TBC1D5: variants seen among roughly 807,000 people sequenced by gnomAD.
The protein encoded by TBC1D5 is TBC1 domain family, member 5.
Under a neutral mutation model 100.3 loss-of-function variants are expected in TBC1D5, and 75 were observed. The ratio of observed to expected loss-of-function variants is 0.75; its 90% CI spans 0.62 to 0.91. TBC1D5 has a LOEUF of 0.91. Among genes scored for constraint, TBC1D5 ranks in the 40% least tolerant of loss-of-function variants. The pLI, the probability that TBC1D5 is intolerant of heterozygous loss-of-function variation, is 0.00. For missense variants in TBC1D5, 910 were observed against 942.4 expected (o/e 0.97, Z 0.45); for synonymous variants, 323 against 325.6 (o/e 0.99, Z 0.09).
intron 17 of TBC1D5, among the ~76,000 whole-genome samples, chr3:17,230,859 A>T (rs1185350031): frequency 6.6e-6 from 1 of 152,180 alleles, no homozygotes; most frequent in Admixed American, 6.5e-5. Context: ...TCTCTTATAT[A>T]AAATGGTAGT....
intron 2 of TBC1D5, among the ~76,000 whole-genome samples, chr3:17,579,166 GT>G (rs151069684): frequency 6.6e-6 from 1 of 151,744 alleles, no homozygotes; most frequent in Non-Finnish European, 1.5e-5. Flanking sequence ...AAATTAAAAA[GT>G]TTTTTTTAAT....
intron 3 of TBC1D5, among the ~76,000 whole-genome samples, chr3:17,434,986 G>T (rs904018070): frequency 6.6e-5 from 10 of 152,194 alleles, no homozygotes; most frequent in African/African-American, 2.4e-4. Context: ...CCACCAGTCT[G>T]TTTGCATAGC....
At chr3:17,664,400 A>G (rs1039016477) in intron 1 of TBC1D5, among the ~76,000 whole-genome samples, 1 of 152,180 alleles carries the variant, frequency 6.6e-6, no homozygotes, top group Non-Finnish European at 1.5e-5. Context: ...ACCTAATATA[A>G]TGTATTAAAA....
chr3:17,242,117 T>C (rs1273652221), intron 16 of TBC1D5, among the ~76,000 whole-genome samples: 1 of 152,214 alleles, frequency 6.6e-6, no homozygotes, highest in Non-Finnish European at 1.5e-5. Context: ...GCAGCCTGGC[T>C]TTCTGACCCG....
chr3:17,520,213 T>C (rs1242724529), intron 2 of TBC1D5, among the ~76,000 whole-genome samples: 2 of 152,218 alleles, frequency 1.3e-5, no homozygotes, highest in Non-Finnish European at 2.9e-5. Context: ...CGAAAGCCTA[T>C]TAGCCTGCAT....
At chr3:17,687,896 A>G (rs930111736) in intron 1 of TBC1D5, among the ~76,000 whole-genome samples, 1 of 152,232 alleles carries the variant, frequency 6.6e-6, no homozygotes, top group Admixed American at 6.5e-5. Context: ...TTTGTAACTA[A>G]GGAAGACAGA....
At chr3:17,410,371 A>G (rs1369194773) in intron 4 of TBC1D5, among the ~76,000 whole-genome samples, 2 of 152,182 alleles carry the variant, frequency 1.3e-5, no homozygotes, top group Non-Finnish European at 2.9e-5. Flanking sequence ...GGATATGTAC[A>G]AAGAGATTAA....
Position 17,390,838 on chromosome 3 carries a change from A to C in TBC1D5, c.510-6823T>G, listed in dbSNP as rs2093330156. ...TAAAAACAGACATACTGAAAGACACAATTCTTTTTCTTCCTGTGTTCCCTA... is the reference window on the plus strand; with the variant it reads ...TAAAAACAGACATACTGAAAGACACCATTCTTTTTCTTCCTGTGTTCCCTA... On this transcript the variant is annotated intron_variant, in intron 8 of 21. Transcript: ENST00000253692. 3.9e-5 allele frequency among the ~76,000 whole-genome samples: 6 copies of C among 152,110 alleles called. No individual in the cohort carries two copies. In the South Asian group the frequency reaches 1.2e-3, roughly 32 times the overall value.
chr3:17,397,405 T>C (rs1261418726), intron 8 of TBC1D5, among the ~76,000 whole-genome samples: 1 of 152,120 alleles, frequency 6.6e-6, no homozygotes, highest in Non-Finnish European at 1.5e-5. Flanking sequence ...AGGATCTCAC[T>C]CTTTTACCCA....
intron 1 of TBC1D5, among the ~76,000 whole-genome samples, chr3:17,693,178 G>A (rs1026119308): frequency 3.3e-5 from 5 of 152,172 alleles, no homozygotes; most frequent in African/African-American, 4.8e-5. Flanking sequence ...CGCAGAAGAC[G>A]GGTGATATCT....
intron 1 of TBC1D5, among the ~76,000 whole-genome samples, chr3:17,671,520 G>A (rs1271079157): frequency 1.3e-5 from 2 of 152,260 alleles, no homozygotes; most frequent in East Asian, 1.9e-4. Flanking sequence ...AAAAAAGGTG[G>A]AAAAGTTAAG....
chr3:17,698,571 C>T (rs1479913553), intron 1 of TBC1D5, among the ~76,000 whole-genome samples: 1 of 149,600 alleles, frequency 6.7e-6, no homozygotes, highest in Admixed American at 6.7e-5. Context: ...AGAGCTTCTG[C>T]ACAGCAAAAG....
chr3:17,199,069 A>C (rs1313759529), intron 18 of TBC1D5, among the ~76,000 whole-genome samples: 2 of 152,352 alleles, frequency 1.3e-5, no homozygotes, highest in African/African-American at 4.8e-5. Context: ...TCCGCATTTA[A>C]ACGTTTTATA....
At chr3:17,636,646 A>T (rs1351684281) in intron 1 of TBC1D5, among the ~76,000 whole-genome samples, 1 of 151,766 alleles carries the variant, frequency 6.6e-6, no homozygotes, top group Non-Finnish European at 1.5e-5. Flanking sequence ...AAAATAAAAA[A>T]AAAAATTAGC....
intron 4 of TBC1D5, among the ~76,000 whole-genome samples, chr3:17,409,390 T>C (rs905685177): frequency 3.9e-5 from 6 of 152,084 alleles, no homozygotes; most frequent in African/African-American, 1.4e-4. Context: ...CCCTTGTCTC[T>C]CTCCCTCTCC....
At chr3:17,489,658 C>T (rs572652190) in intron 3 of TBC1D5, among the ~76,000 whole-genome samples, 1 of 152,252 alleles carries the variant, frequency 6.6e-6, no homozygotes, top group African/African-American at 2.4e-5. Context: ...AAGTATGTTC[C>T]ATCTATGATA....
At chr3:17,318,790 A>G (rs1559622389) in intron 13 of TBC1D5, among the ~76,000 whole-genome samples, 1 of 152,226 alleles carries the variant, frequency 6.6e-6, no homozygotes, top group Non-Finnish European at 1.5e-5. Context: ...CGGAATGCAT[A>G]GTATCTACTA....
intron 3 of TBC1D5, among the ~76,000 whole-genome samples, chr3:17,442,603 C>T (rs557659425): frequency 1.3e-5 from 2 of 152,330 alleles, no homozygotes; most frequent in African/African-American, 4.8e-5. Context: ...ATCCTGAGCT[C>T]ACTCCTCACC....
intron 3 of TBC1D5, among the ~76,000 whole-genome samples, chr3:17,457,576 C>T (rs940071109): frequency 2.0e-5 from 3 of 152,162 alleles, no homozygotes; most frequent in Non-Finnish European, 4.4e-5. Flanking sequence ...TGTTGCCCAG[C>T]TTTTCCACTA....
Sources: allele counts gnomAD v4.1 joint callset (sites outside exome capture counted in the v4.1 genomes callset), GRCh38; gene constraint gnomAD v4.1.1; transcripts MANE v1.5; gene names NCBI Gene and HGNC (gene_info 2026-07-23, HGNC 2026-07-21).